GUCY1A2: variants seen among roughly 807,000 people sequenced by gnomAD.
GUCY1A2 encodes the protein guanylate cyclase soluble subunit alpha-2.
In GUCY1A2, 27 loss-of-function variants were observed where a neutral mutation model predicts 63.5. That is an observed-to-expected ratio of 0.43 (90% confidence interval 0.31 to 0.59). The LOEUF is 0.59. Among genes scored for constraint, GUCY1A2 ranks in the 20% least tolerant of loss-of-function variants. The pLI is 0.11. For missense variants in GUCY1A2, 768 were observed against 913.3 expected, an observed-to-expected ratio of 0.84 and a Z score of 2.05; for synonymous variants, 364 against 343.5, an observed-to-expected ratio of 1.06 and a Z score of -0.66.
intron 3 of GUCY1A2, among the ~76,000 whole-genome samples, chr11:106,942,917 G>C (rs1237387207): frequency 6.6e-6 from 1 of 152,062 alleles, no homozygotes. Context: ...AGGAATACCA[G>C]ATGCTAAAGT....
At chr11:106,986,280 T>A in intron 1 of GUCY1A2, 149 bp from the exon 2 acceptor site, 1 of 500,278 alleles carries the variant, frequency 2.0e-6, no homozygotes, top group South Asian at 3.5e-5. Context: ...TCATGCCATG[T>A]ATTTTCCCCA....
chr11:106,852,253 T>C (rs930918162), intron 4 of GUCY1A2, among the ~76,000 whole-genome samples: 1 of 152,042 alleles, frequency 6.6e-6, no homozygotes, highest in Admixed American at 6.6e-5. Flanking sequence ...TCATGTTGTT[T>C]ACAAAGAGGG....
intron 4 of GUCY1A2, chr11:106,827,934 GC>G: frequency 8.4e-7 from 1 of 1,195,150 alleles, no homozygotes; most frequent in Non-Finnish European, 1.2e-6. Context: ...CGGCGGAACA[GC>G]GAGACTCTGG....
chr11:106,998,189 G>T (rs1258739693), intron 1 of GUCY1A2, among the ~76,000 whole-genome samples: 4 of 152,176 alleles, frequency 2.6e-5, no homozygotes, highest in Non-Finnish European at 5.9e-5. Context: ...ATCAAAACTT[G>T]CTCACTTGAG....
intron 6 of GUCY1A2, among the ~76,000 whole-genome samples, chr11:106,761,177 C>T (rs1864059675): frequency 6.6e-6 from 1 of 152,162 alleles, no homozygotes; most frequent in African/African-American, 2.4e-5. Context: ...GATCCTATTG[C>T]TAACTAGTTA....
intron 6 of GUCY1A2, among the ~76,000 whole-genome samples, chr11:106,748,892 C>T (rs1863836313): frequency 6.6e-6 from 1 of 151,848 alleles, no homozygotes; most frequent in African/African-American, 2.4e-5. Context: ...AACATCAGAC[C>T]TCATTGTGCA....
At chr11:106,946,507 T>C (rs1240229195) in intron 3 of GUCY1A2, among the ~76,000 whole-genome samples, 2 of 151,382 alleles carry the variant, frequency 1.3e-5, no homozygotes, top group African/African-American at 4.9e-5. Flanking sequence ...AAATAAAAGG[T>C]TGAAAATGAG....
intron 4 of GUCY1A2, among the ~76,000 whole-genome samples, chr11:106,863,676 G>A (rs1460193103): frequency 1.3e-5 from 2 of 152,062 alleles, no homozygotes; most frequent in Non-Finnish European, 2.9e-5. Context: ...TGTGAAGAAA[G>A]TCAATGGTAA....
intron 3 of GUCY1A2, among the ~76,000 whole-genome samples, chr11:106,958,976 TG>T (rs1251412567): frequency 1.3e-5 from 2 of 152,180 alleles, no homozygotes; most frequent in African/African-American, 4.8e-5. Context: ...GCCGTGAAAA[TG>T]AGTATCAGTG....
intron 4 of GUCY1A2, among the ~76,000 whole-genome samples, chr11:106,876,255 A>G (rs1859747070): frequency 6.6e-6 from 1 of 152,110 alleles, no homozygotes; most frequent in African/African-American, 2.4e-5. Flanking sequence ...CAGAATAGCC[A>G]TTAGCAAATA....
intron 4 of GUCY1A2, among the ~76,000 whole-genome samples, chr11:106,855,917 A>C (rs61902980): frequency 0.035 from 5,173 of 148,764 alleles, 127 homozygotes; most frequent in Middle Eastern, 0.055. Context: ...TTATTTATTT[A>C]TTTATTTATT....
intron 4 of GUCY1A2, among the ~76,000 whole-genome samples, chr11:106,935,057 T>C (rs1034924787): frequency 3.3e-5 from 5 of 152,156 alleles, no homozygotes. Flanking sequence ...ACAATGATAG[T>C]ATGTAAATAA....
chr11:106,874,280 G>A (rs903472303), intron 4 of GUCY1A2, among the ~76,000 whole-genome samples: 2 of 152,126 alleles, frequency 1.3e-5, no homozygotes, highest in Non-Finnish European at 2.9e-5. Flanking sequence ...TGTGGCCTTT[G>A]TAGAATAGGA....
chr11:106,907,512 G>A (rs966076777), intron 4 of GUCY1A2, among the ~76,000 whole-genome samples: 3 of 151,978 alleles, frequency 2.0e-5, no homozygotes, highest in Middle Eastern at 3.4e-3. Flanking sequence ...CCATTAACTC[G>A]TCGTTTAGCA....
chr11:106,800,068 G>C (rs1468620446), intron 5 of GUCY1A2, among the ~76,000 whole-genome samples: 1 of 152,168 alleles, frequency 6.6e-6, no homozygotes, highest in African/African-American at 2.4e-5. Context: ...CCATCAACAA[G>C]TGGGCGAAGG....
chr11:106,915,410 T>G (rs1860357541), intron 4 of GUCY1A2, among the ~76,000 whole-genome samples: 1 of 152,062 alleles, frequency 6.6e-6, no homozygotes, highest in Non-Finnish European at 1.5e-5. Flanking sequence ...CAGTGTCATT[T>G]GAAAGTGAAT....
chr11:106,932,642 A>G (rs557696570), intron 4 of GUCY1A2, among the ~76,000 whole-genome samples: 3 of 152,266 alleles, frequency 2.0e-5, no homozygotes, highest in South Asian at 4.1e-4. Context: ...TATGGAACCA[A>G]AAAAAGAGCC....
chr11:106,709,611 T>TAA, intron 6 of GUCY1A2, among the ~76,000 whole-genome samples: 3 of 54,854 alleles, frequency 5.5e-5, no homozygotes, highest in African/African-American at 1.4e-4. Flanking sequence ...TAGTTATATA[T>TAA]TATATACGTG....
chr11:106,984,358 G>T lies in GUCY1A2; in HGVS notation c.365+1712C>A, dbSNP rs527989067. The stretch of plus-strand genomic sequence containing the variant: ...CTAGGAAAAGACCATTCATGCAATA[G>T]ACAAAGAAGCACCACAGACCATGTC... On this transcript the variant is annotated intron_variant, in intron 2 of 7. Transcript: ENST00000526355. Among the ~76,000 whole-genome samples, 7 of 152,286 alleles carry T rather than the reference G, an allele frequency of 4.6e-5. No individual in the cohort carries two copies. The East Asian group carries it at 9.6e-4, about 21-fold the overall frequency.
Sources: allele counts gnomAD v4.1 joint callset (sites outside exome capture counted in the v4.1 genomes callset), GRCh38; gene constraint gnomAD v4.1.1; transcripts MANE v1.5; gene names NCBI Gene and HGNC (gene_info 2026-07-23, HGNC 2026-07-21).